The following GPR161 variants were observed in gnomAD, a reference collection of about 807,000 sequenced individuals.
GPR161 encodes G protein-coupled receptor 161, also known as G-protein coupled receptor RE2.
A neutral mutation model predicts 39.2 loss-of-function variants in GPR161; 25 were observed. The observed-to-expected ratio is 0.64, with a 90% CI of 0.47 to 0.89. The LOEUF is 0.89. Ranked by LOEUF, GPR161 falls within the 40% of genes least tolerant of loss-of-function variation. GPR161 has a pLI of 0.00. For missense variants in GPR161, 547 were observed against 677.8 expected (o/e 0.81, Z 2.14); for synonymous variants, 286 against 276.6 (o/e 1.03, Z -0.34).
chr1:168,131,312 G>T (rs921956649), intron 1 of GPR161, among the ~76,000 whole-genome samples: 1 of 151,024 alleles, frequency 6.6e-6, no homozygotes, highest in African/African-American at 2.4e-5. Context: ...CCTGCCACCT[G>T]CAGAATTTAT....
chr1:168,097,856 A>G (rs1695705055), intron 2 of GPR161, among the ~76,000 whole-genome samples: 1 of 152,152 alleles, frequency 6.6e-6, no homozygotes, highest in African/African-American at 2.4e-5. Flanking sequence ...GAGGAAACTA[A>G]AGCAGGGAAA....
intron 3 of GPR161, among the ~76,000 whole-genome samples, chr1:168,091,141 G>A (rs376419014): frequency 5.3e-5 from 8 of 152,152 alleles, no homozygotes; most frequent in Non-Finnish European, 1.0e-4. Context: ...GAGCTGACCC[G>A]GAATAGAGAA....
intron 1 of GPR161, among the ~76,000 whole-genome samples, chr1:168,108,502 A>AAC (rs1272358759): frequency 2.7e-5 from 4 of 147,728 alleles, no homozygotes; most frequent in African/African-American, 9.9e-5. Flanking sequence ...AAAAAAAAAA[A>AAC]AAAAAAAAAA....
chr1:168,105,039 G>A lies in GPR161; in HGVS notation c.-44-145C>T, dbSNP rs146509180. 411 of 619,162 alleles carry A rather than the reference G, an allele frequency of 6.6e-4. 2 individuals carry two copies. The African/African-American group carries it at 6.7e-3, about 10-fold the overall frequency. The allele number at this position is 619,162 out of a possible 1,614,324, so 38.4% of individuals were successfully genotyped here. A position where few individuals can be genotyped will look rare whatever the true frequency, so the allele number is the denominator to read the frequency against. ...CAGACTCTCAGCGGGTCTTCCCCAC[G>A]TAAGCGCTACATAAGTGGGCCATTT... On this transcript the variant is annotated intron_variant, in intron 1 of 5. Transcript: ENST00000682931.
In GPR161 at chr1:168,085,052, C is replaced by G. The variant is rs1271442390; in HGVS notation, c.*479G>C. 2 of 456,436 alleles carry G rather than the reference C, an allele frequency of 4.4e-6. No homozygotes were observed. Among genetic ancestry groups the G allele is most frequent in the Non-Finnish European group, 8.8e-6 (2 of 227,132 alleles). 28.3% of individuals were successfully genotyped at this position (456,436 alleles called of 1,614,324 possible). On this transcript the variant is annotated 3_prime_UTR_variant, in exon 6 of 6. Coordinates refer to ENST00000682931, the MANE Select transcript of GPR161 (RefSeq NM_001375883.1). ...CCATGTAGAGGCACCAGGACGGTCG[C>G]GTGTCATTAGGAAGAAGTGCTGTGT...
In GPR161 at chr1:168,084,923, A is replaced by G. The variant is rs1694330601; in HGVS notation, c.*608T>C. On this transcript the variant is annotated 3_prime_UTR_variant, in exon 6 of 6. Coordinates refer to ENST00000682931, the MANE Select transcript of GPR161 (RefSeq NM_001375883.1). ...GAGGCCTGTGGCTGTCCCTATTAGC[A>G]CCAGCAGGTGGCGCCACTGAGGACC... 1 of 456,116 alleles carries G rather than the reference A, an allele frequency of 2.2e-6. No homozygotes were observed. The highest frequency in any genetic ancestry group is 4.4e-6 in the Non-Finnish European group (1 of 226,964). The allele number at this position is 456,116 out of a possible 1,614,324, so 28.3% of individuals were successfully genotyped here.
At chr1:168,095,364 T>C (rs1695427646) in intron 3 of GPR161, among the ~76,000 whole-genome samples, 1 of 152,370 alleles carries the variant, frequency 6.6e-6, no homozygotes, top group Admixed American at 6.5e-5. Flanking sequence ...GTTAACGTTT[T>C]AGAGCTGTGG....
In GPR161 at chr1:168,098,054, G is replaced by C. The variant is rs1437166010; in HGVS notation, c.375-822C>G. Among the ~76,000 whole-genome samples, 2 of 152,188 alleles carry C rather than the reference G, an allele frequency of 1.3e-5. No homozygotes were observed. The highest frequency in any genetic ancestry group is 2.9e-5 in the Non-Finnish European group (2 of 68,032). The stretch of plus-strand genomic sequence containing the variant: ...CCAGGAGGGCTATCCATTCAAACTG[G>C]CAGGCTTCTGGTCCAGCACAGAGGG... On this transcript the variant is annotated intron_variant, in intron 2 of 5. Transcript: ENST00000682931. The surrounding 1 kb of genome is among the most constrained non-coding windows in gnomAD (Gnocchi z 4.1).
Position 168,085,671 on chromosome 1 carries a change from A to G in GPR161, c.1450T>C (p.Leu484=). The G allele has an allele frequency of 6.2e-7, 1 of 1,614,214 alleles. No homozygotes were observed. The highest frequency in any genetic ancestry group is 1.6e-4 in the Middle Eastern group (1 of 6,062). Residue 484 remains leucine (L), a synonymous_variant, in exon 6 of 6, where the codon TTG becomes CTG. Transcript: ENST00000682931. ...AKINLFGEEA[L]PGVLVTARTV... The stretch of plus-strand genomic sequence containing the variant: ...CGTGCTGTAACCAAGACCCCTGGCA[A>G]AGCCTCCTCCCCAAATAAGTTGATT...
intron 1 of GPR161, among the ~76,000 whole-genome samples, chr1:168,129,162 G>GTCAGGGGTGGGTCA (rs34197584): frequency 6.6e-6 from 1 of 152,216 alleles, no homozygotes; most frequent in African/African-American, 2.4e-5. Flanking sequence ...GGGTGTCTGG[G>GTCAGGGGTGGGTCA]TCAGGGGTGG....
chr1:168,136,631 C>G (rs1386150331), intron 1 of GPR161, 108 bp downstream of exon 1: 2 of 1,217,850 alleles, frequency 1.6e-6, no homozygotes, highest in Admixed American at 4.3e-5. Context: ...GGGACCCTTC[C>G]CGGCCCGCGC....
chr1:168,114,161 GTTA>G (rs1697438815), intron 1 of GPR161, among the ~76,000 whole-genome samples: 1 of 152,040 alleles, frequency 6.6e-6, no homozygotes, highest in African/African-American at 2.4e-5. Flanking sequence ...GTAAATCTGG[GTTA>G]TTTTGTGGTC....
chr1:168,101,529 T>C (rs1361390145), intron 2 of GPR161, among the ~76,000 whole-genome samples: 1 of 152,178 alleles, frequency 6.6e-6, no homozygotes, highest in Non-Finnish European at 1.5e-5. Flanking sequence ...ACTGAGTTGA[T>C]GGTGTACAAT....
In GPR161 at chr1:168,119,204, A is replaced by ATACATATATATATATACGTG. The variant is rs1219373058; in HGVS notation, c.-44-14311_-44-14310insCACGTATATATATATATGTA. The stretch of plus-strand genomic sequence containing the variant: ...CAACCCAAATCTCCATCATATATAT[A>ATACATATATATATATACGTG]TATATGTATACATATATATATACGT... On this transcript the variant is annotated intron_variant, in intron 1 of 5. Coordinates refer to ENST00000682931, the MANE Select transcript of GPR161 (RefSeq NM_001375883.1). Among the ~76,000 whole-genome samples the ATACATATATATATATACGTG allele has an allele frequency of 3.2e-3, 343 of 108,300 alleles. 4 individuals are homozygous for ATACATATATATATATACGTG. The highest frequency in any genetic ancestry group is 0.013 in the African/African-American group (311 of 24,082). The allele number at this position is 108,300 out of a possible 152,430, so 71.0% of individuals were successfully genotyped here. A position where few individuals can be genotyped will look rare whatever the true frequency, so the allele number is the denominator to read the frequency against.
intron 1 of GPR161, among the ~76,000 whole-genome samples, chr1:168,127,459 C>T (rs115518790): frequency 0.015 from 2,198 of 151,202 alleles, 53 homozygotes; most frequent in African/African-American, 0.05. Flanking sequence ...ACTCCAGATT[C>T]GGTGATGCAG....
intron 2 of GPR161, among the ~76,000 whole-genome samples, chr1:168,099,242 G>A (rs1695855296): frequency 6.6e-6 from 1 of 152,214 alleles, no homozygotes; most frequent in African/African-American, 2.4e-5. Flanking sequence ...ACTCGGACCT[G>A]TCTGACGTCA....
intron 1 of GPR161, chr1:168,114,685 C>A (rs1697481974): frequency 6.6e-6 from 1 of 152,162 alleles, no homozygotes; most frequent in African/African-American, 2.4e-5. Context: ...AAATGAGTAT[C>A]ATCTTCCTCT....
At chr1:168,111,050 G>A (rs544419439) in intron 1 of GPR161, among the ~76,000 whole-genome samples, 2 of 152,282 alleles carry the variant, frequency 1.3e-5, no homozygotes, top group Non-Finnish European at 2.9e-5. Context: ...AGAAACGTCC[G>A]AGGAAATTAC....
rs534046114 is a variant in GPR161, at chr1:168,105,741, C to T, written c.-44-847G>A. Among the ~76,000 whole-genome samples, 66 of 151,898 alleles carry T rather than the reference C, an allele frequency of 4.3e-4. 1 individual carries two copies. Among genetic ancestry groups the T allele is most frequent in the Admixed American group, 3.2e-3 (49 of 15,294 alleles). On this transcript the variant is annotated intron_variant, in intron 1 of 5. Coordinates refer to ENST00000682931, the MANE Select transcript of GPR161 (RefSeq NM_001375883.1). ...AACTGGCTTGGGATCTTGGCTAAAG[C>T]CGCAGGTTGACACATGTTAATGTTA... is the stretch of plus-strand genomic sequence containing the variant.
Sources: gnomAD v4.1 joint callset for allele counts (sites outside exome capture counted in the v4.1 genomes callset) on GRCh38, gnomAD v4.1.1 for gene constraint, Gnocchi (gnomAD v3.1) non-coding constraint, MANE v1.5 for transcripts, NCBI Gene and HGNC (gene_info 2026-07-23, HGNC 2026-07-21) for gene names.